Variants in ELF2 observed in about 807,000 individuals in gnomAD.
ELF2 encodes the protein E74 like ETS transcription factor 2, also known as ETS-related transcription factor Elf-2.
ELF2 carries 11 observed loss-of-function variants against 54.8 expected under a neutral mutation model. That is an observed-to-expected ratio of 0.20 (90% CI 0.13 to 0.33). The LOEUF (loss-of-function observed/expected upper bound fraction) is 0.33. Ranked by LOEUF, ELF2 falls within the 10% of genes least tolerant of loss-of-function variation. The pLI is 1.00. For synonymous variants in ELF2, 203 were observed against 245.1 expected (o/e 0.83, Z 1.61); for missense variants, 513 against 703.0 (o/e 0.73, Z 3.06).
chr4:139,167,707 A>G (rs1417339999), intron 1 of ELF2, among the ~76,000 whole-genome samples: 2 of 152,166 alleles, frequency 1.3e-5, no homozygotes, highest in Non-Finnish European at 2.9e-5. Context: ...TCTGTTCCTG[A>G]AGCCCTATAA....
intron 1 of ELF2, among the ~76,000 whole-genome samples, chr4:139,151,032 A>AAAAAGAAAGAAAGAAAG (rs1301387000): frequency 1.5e-3 from 153 of 102,518 alleles, no homozygotes; most frequent in Non-Finnish European, 1.7e-3. Flanking sequence ...TCAAAAAAAA[A>AAAAAGAAAGAAAGAAAG]AAAGAAAGAA....
At chr4:139,130,606 T>G (rs1194218687) in intron 3 of ELF2, among the ~76,000 whole-genome samples, 1 of 152,220 alleles carries the variant, frequency 6.6e-6, no homozygotes, top group Non-Finnish European at 1.5e-5. Flanking sequence ...GTTGTTTGCC[T>G]AATATTACCA....
intron 4 of ELF2, among the ~76,000 whole-genome samples, chr4:139,095,604 G>C (rs576693954): frequency 6.6e-6 from 1 of 152,216 alleles, no homozygotes; most frequent in African/African-American, 2.4e-5. Context: ...GATTACATGA[G>C]TATTCTCCTT....
At chr4:139,117,672 C>A (rs75496871) in intron 4 of ELF2, among the ~76,000 whole-genome samples, 3 of 151,226 alleles carry the variant, frequency 2.0e-5, no homozygotes, top group Non-Finnish European at 4.4e-5. Flanking sequence ...AGAGAGTGAG[C>A]CGGGCACAGT....
chr4:139,063,517 T>A (rs1020502252), intron 7 of ELF2, among the ~76,000 whole-genome samples: 2 of 152,134 alleles, frequency 1.3e-5, no homozygotes, highest in Non-Finnish European at 2.9e-5. Context: ...AATGAGGAAA[T>A]ATTAGAATAT....
In ELF2 at chr4:139,134,685, A is replaced by G. The variant is rs185348704; in HGVS notation, c.72+2945T>C. On this transcript the variant is annotated intron_variant, in intron 3 of 9. Coordinates refer to ENST00000686138, the MANE Select transcript of ELF2 (RefSeq NM_001331036.3). ...GCCATGGTGCCCAGGCTGGTCTTGA[A>G]GTCCTGAGCTCAAGAAATCCACCTG... Among the ~76,000 whole-genome samples, 20 of 148,470 alleles carry G rather than the reference A, an allele frequency of 1.3e-4. No homozygotes were observed. In the East Asian group the frequency reaches 3.8e-3, roughly 28 times the overall value.
chr4:139,074,092 C>A (rs375355042), intron 4 of ELF2, among the ~76,000 whole-genome samples: 3 of 152,270 alleles, frequency 2.0e-5, no homozygotes, highest in Non-Finnish European at 1.5e-5. Context: ...CGCACCACTG[C>A]GCTCCAGCCT....
At chr4:139,078,882 T>C (rs1385859816) in intron 4 of ELF2, among the ~76,000 whole-genome samples, 3 of 152,190 alleles carry the variant, frequency 2.0e-5, no homozygotes, top group Non-Finnish European at 4.4e-5. Flanking sequence ...TATTAATTCA[T>C]TTAAAATAAT....
intron 4 of ELF2, among the ~76,000 whole-genome samples, chr4:139,092,479 C>T (rs1179186323): frequency 9.0e-6 from 1 of 111,660 alleles, no homozygotes; most frequent in Non-Finnish European, 1.9e-5. Flanking sequence ...AACATAGGGC[C>T]GGGCGCGGTG....
intron 1 of ELF2, among the ~76,000 whole-genome samples, chr4:139,153,222 C>T (rs537347188): frequency 6.6e-6 from 1 of 151,958 alleles, no homozygotes; most frequent in Admixed American, 6.6e-5. Flanking sequence ...ATTGCTTGAC[C>T]CCAAGAATTC....
At chr4:139,132,619 C>T (rs1281284268) in intron 3 of ELF2, among the ~76,000 whole-genome samples, 1 of 152,022 alleles carries the variant, frequency 6.6e-6, no homozygotes, top group African/African-American at 2.4e-5. Context: ...ATCAATACTT[C>T]ATCTCCCTTC....
intron 4 of ELF2, chr4:139,116,582 G>A (rs924523831): frequency 2.6e-6 from 2 of 760,448 alleles, no homozygotes; most frequent in Non-Finnish European, 3.2e-6. Context: ...TATGGTAAAG[G>A]TAGATGAAAT....
intron 7 of ELF2, chr4:139,067,059 A>C (rs945843884): frequency 6.6e-6 from 1 of 152,004 alleles, no homozygotes; most frequent in African/African-American, 2.4e-5. Flanking sequence ...GGATCACTTG[A>C]GCCTAGGAGT....
intron 1 of ELF2, among the ~76,000 whole-genome samples, chr4:139,145,305 AC>A (rs1011747951): frequency 2.6e-5 from 4 of 152,208 alleles, no homozygotes; most frequent in African/African-American, 9.6e-5. Context: ...TTCCCCTGTT[AC>A]CCCTATGAGA....
At chr4:139,106,278 A>G (rs1734392529) in intron 4 of ELF2, among the ~76,000 whole-genome samples, 1 of 152,160 alleles carries the variant, frequency 6.6e-6, no homozygotes, top group East Asian at 1.9e-4. Flanking sequence ...GGATCATAAA[A>G]CTGTACTTAA....
At chr4:139,113,156 G>A (rs1014404230) in intron 4 of ELF2, among the ~76,000 whole-genome samples, 4 of 152,110 alleles carry the variant, frequency 2.6e-5, no homozygotes, top group Non-Finnish European at 5.9e-5. Flanking sequence ...CCAGTAGTAT[G>A]AGACCAGCCT....
intron 1 of ELF2, among the ~76,000 whole-genome samples, chr4:139,164,196 GAA>G (rs1282209513): frequency 7.5e-6 from 1 of 133,656 alleles, no homozygotes; most frequent in Non-Finnish European, 1.6e-5. Flanking sequence ...GAGATGAAAA[GAA>G]AGAGAAAGCG....
rs751368466 is a variant in ELF2, at chr4:139,059,433, A to C, written c.1332T>G (p.Ala444=). 1.9e-6 allele frequency: 3 copies of C among 1,613,992 alleles called. No homozygotes were observed. Among genetic ancestry groups the C allele is most frequent in the Non-Finnish European group, 2.5e-6 (3 of 1,179,874 alleles). The part of the protein sequence containing the change: ...VIQTIPTVMP[A]STENGDKITM... ...TGATTTTGTCTCCATTTTCAGTAGAAGCTGGCATCACAGTAGGGATTGTCT... is the reference window on the plus strand; with the variant it reads ...TGATTTTGTCTCCATTTTCAGTAGACGCTGGCATCACAGTAGGGATTGTCT... Residue 444 remains alanine, a synonymous_variant, in exon 10 of 10, where the codon GCT becomes GCG. Transcript: ENST00000686138.
At chr4:139,087,615 G>A (rs1401490599) in intron 4 of ELF2, among the ~76,000 whole-genome samples, 1 of 152,038 alleles carries the variant, frequency 6.6e-6, no homozygotes, top group Non-Finnish European at 1.5e-5. Flanking sequence ...ACAGGCGCCC[G>A]CCTCCACGCC....
Sources: gnomAD v4.1 joint callset for allele counts (sites outside exome capture counted in the v4.1 genomes callset) on GRCh38, gnomAD v4.1.1 for gene constraint, MANE v1.5 for transcripts, NCBI Gene and HGNC (gene_info 2026-07-23, HGNC 2026-07-21) for gene names.